Variants in SPMAP2L observed in about 807,000 individuals in gnomAD.
SPMAP2L encodes the protein sperm microtubule associated protein 2-like.
the SPMAP2L span, among the ~76,000 whole-genome samples, chr4:56,569,342 CT>C: frequency 4.6e-5 from 7 of 152,130 alleles, no homozygotes; most frequent in Non-Finnish European, 8.8e-5. Context: ...TAAAGCTGTC[CT>C]CCTATGTGTG....
At chr4:56,533,218 C>T in the SPMAP2L span, among the ~76,000 whole-genome samples, 1 of 152,148 alleles carries the variant, frequency 6.6e-6, no homozygotes, top group African/African-American at 2.4e-5. Flanking sequence ...CCTTTAAATC[C>T]ATGCCCCTGA....
the SPMAP2L span, among the ~76,000 whole-genome samples, chr4:56,578,706 C>A: frequency 1.3e-5 from 2 of 152,046 alleles, no homozygotes; most frequent in Admixed American, 6.6e-5. Context: ...ATACTGATAT[C>A]AGACAATATA....
chr4:56,531,003 C>T, the SPMAP2L span: 2 of 1,535,308 alleles, frequency 1.3e-6, no homozygotes, highest in Admixed American at 3.9e-5. Flanking sequence ...CCCATGCAGC[C>T]CCCAAACTCC....
chr4:56,592,908 T>C, the SPMAP2L span: 17 of 1,608,032 alleles, frequency 1.1e-5, no homozygotes, highest in Non-Finnish European at 1.4e-5. Context: ...ATCTTGGGGC[T>C]GGCGAGCATT....
At chr4:56,540,051 C>G in the SPMAP2L span, among the ~76,000 whole-genome samples, 6 of 152,194 alleles carry the variant, frequency 3.9e-5, no homozygotes, top group Non-Finnish European at 7.3e-5. Flanking sequence ...TGAACACTTT[C>G]TAGATTCACT....
the SPMAP2L span, among the ~76,000 whole-genome samples, chr4:56,616,396 G>C: frequency 1.3e-5 from 2 of 152,098 alleles, no homozygotes; most frequent in African/African-American, 4.8e-5. Flanking sequence ...GAGGTACTGG[G>C]GGTTAAGACT....
the SPMAP2L span, among the ~76,000 whole-genome samples, chr4:56,613,277 G>T: frequency 6.6e-6 from 1 of 152,128 alleles, no homozygotes; most frequent in African/African-American, 2.4e-5. Context: ...CCCACCAGCT[G>T]CATGCGTCTG....
the SPMAP2L span, among the ~76,000 whole-genome samples, chr4:56,583,500 A>G: frequency 0.089 from 13,484 of 152,240 alleles, 770 homozygotes; most frequent in East Asian, 0.24. Flanking sequence ...ACAAAACCCA[A>G]ACTAATAGCC....
the SPMAP2L span, among the ~76,000 whole-genome samples, chr4:56,537,000 G>A: frequency 6.6e-6 from 1 of 152,126 alleles, no homozygotes; most frequent in African/African-American, 2.4e-5. Context: ...CTGACCTTAG[G>A]TGATCCGCTC....
the SPMAP2L span, among the ~76,000 whole-genome samples, chr4:56,614,425 C>T: frequency 1.3e-5 from 2 of 152,008 alleles, no homozygotes; most frequent in South Asian, 2.1e-4. Context: ...GAGGCCAAGC[C>T]GGGTGGATCA....
chr4:56,565,923 T>C, the SPMAP2L span, among the ~76,000 whole-genome samples: 3 of 152,178 alleles, frequency 2.0e-5, no homozygotes, highest in Admixed American at 2.0e-4. Flanking sequence ...TATGCCAGCT[T>C]TCTTTTTATT....
chr4:56,567,442 G>GT, the SPMAP2L span, among the ~76,000 whole-genome samples: 644 of 65,576 alleles, frequency 9.8e-3, 36 homozygotes, highest in African/African-American at 0.027. Context: ...AATTTTGGTG[G>GT]TTTTTTTTTT....
chr4:56,578,252 C>A, the SPMAP2L span, among the ~76,000 whole-genome samples: 1 of 152,040 alleles, frequency 6.6e-6, no homozygotes, highest in Non-Finnish European at 1.5e-5. Context: ...TATATAGGAG[C>A]AAAGTTATTA....
At chr4:56,620,632 G>C in the SPMAP2L span, among the ~76,000 whole-genome samples, 2 of 152,258 alleles carry the variant, frequency 1.3e-5, no homozygotes, top group African/African-American at 2.4e-5. Context: ...TGATCTGCCC[G>C]CCTCGGCCTC....
chr4:56,579,751 A>C, the SPMAP2L span, among the ~76,000 whole-genome samples: 1 of 152,218 alleles, frequency 6.6e-6, no homozygotes, highest in African/African-American at 2.4e-5. Flanking sequence ...TCAGGGTGAC[A>C]AAACAAGACC....
At chr4:56,549,843 G>A in the SPMAP2L span, among the ~76,000 whole-genome samples, 2 of 151,886 alleles carry the variant, frequency 1.3e-5, no homozygotes, top group African/African-American at 4.8e-5. Flanking sequence ...TTTAGACTTG[G>A]GTCTCATCCC....
chr4:56,625,244 T>A, the SPMAP2L span, among the ~76,000 whole-genome samples: 5 of 152,212 alleles, frequency 3.3e-5, no homozygotes. Context: ...ACACAATACC[T>A]GTACTCCCAT....
chr4:56,535,196 T>C, the SPMAP2L span, among the ~76,000 whole-genome samples: 1 of 152,210 alleles, frequency 6.6e-6, no homozygotes, highest in East Asian at 1.9e-4. Context: ...AATGTCATCA[T>C]CTTTGTAAGC....
the SPMAP2L span, among the ~76,000 whole-genome samples, chr4:56,592,450 G>T: frequency 6.6e-6 from 1 of 152,232 alleles, no homozygotes; most frequent in African/African-American, 2.4e-5. Context: ...GAAAAGCTAC[G>T]TTGGGGAGCC....
Sources: gnomAD v4.1 joint callset for allele counts (sites outside exome capture counted in the v4.1 genomes callset) on GRCh38, gnomAD v4.1.1 for gene constraint, MANE v1.5 for transcripts, NCBI Gene and HGNC (gene_info 2026-07-23, HGNC 2026-07-21) for gene names.